The following CDC37 variants were observed in gnomAD, a reference collection of about 807,000 sequenced individuals.
CDC37 encodes cell division cycle 37, HSP90 cochaperone.
Under a neutral mutation model 46.9 loss-of-function variants are expected in CDC37, and 9 were observed. The observed-to-expected ratio is 0.19, with a 90% CI of 0.12 to 0.33. The LOEUF is 0.33. CDC37 is among the 10% of genes least tolerant of loss of function. The pLI, the probability that CDC37 is intolerant of heterozygous loss-of-function variation, is 1.00. For missense variants in CDC37, 388 were observed against 514.6 expected (o/e 0.75, Z 2.38); for synonymous variants, 193 against 191.0 (o/e 1.01, Z -0.09).
At chr19:10,395,630 A>C (rs1242347706) in intron 2 of CDC37, 87 bp from the exon 3 acceptor site, 1 of 1,080,332 alleles carries the variant, frequency 9.3e-7, no homozygotes, top group Non-Finnish European at 1.4e-6. Context: ...CGCAGCGCCC[A>C]TCCCATCCAC....
rs1286302564 is a variant in CDC37 at position 10,395,150 on chromosome 19, G to C, written c.604-7C>G. 1.2e-6 allele frequency: 2 copies of C among 1,603,918 alleles called. No homozygotes were observed. Among genetic ancestry groups the C allele is most frequent in the South Asian group, 2.2e-5 (2 of 90,542 alleles). On this transcript the variant is annotated splice_region_variant and splice_polypyrimidine_tract_variant and intron_variant, in intron 4 of 7. Coordinates refer to ENST00000222005, the MANE Select transcript of CDC37 (RefSeq NM_007065.4). ...GCTCCATGAGTGCACATTTCTGCCA[G>C]GAAGAACAGGCACAGCGTCACCAAG...
intron 1 of CDC37, 45 bp downstream of exon 1, chr19:10,403,333 A>G (rs769260693): frequency 2.8e-6 from 4 of 1,447,664 alleles, no homozygotes; most frequent in Non-Finnish European, 3.8e-6. Flanking sequence ...ACAACTCCGA[A>G]GCGGGGTCCG....
Position 10,397,965 on chromosome 19 carries a change from C to T in CDC37, c.103-1762G>A, listed in dbSNP as rs146900743. On this transcript the variant is annotated intron_variant, in intron 1 of 7. Coordinates refer to ENST00000222005, the MANE Select transcript of CDC37 (RefSeq NM_007065.4). Reference sequence around the variant, plus strand: ...TCCATCTGGGCCCCATCGGATTGTACAGGCCTCTCCTGAGACCCCTGCGTG... The same window carrying T: ...TCCATCTGGGCCCCATCGGATTGTATAGGCCTCTCCTGAGACCCCTGCGTG... Among the ~76,000 whole-genome samples, 99 of 152,290 alleles carry T rather than the reference C, an allele frequency of 6.5e-4. No homozygotes were observed. In the Middle Eastern group the frequency reaches 0.01, roughly 16 times the overall value.
intron 1 of CDC37, among the ~76,000 whole-genome samples, chr19:10,399,209 CT>C (rs1282425808): frequency 8.5e-5 from 13 of 152,272 alleles, no homozygotes; most frequent in Middle Eastern, 3.4e-3. Flanking sequence ...TGGCTCACTC[CT>C]GTAATCCCAA....
chr19:10,396,944 G>GC lies in CDC37; in HGVS notation c.103-742dup, dbSNP rs1416234819. Among the ~76,000 whole-genome samples the GC allele has an allele frequency of 6.6e-6, 1 of 152,042 alleles. No homozygotes were observed. The highest frequency in any genetic ancestry group is 2.4e-5 in the African/African-American group (1 of 41,406). ...CTACTTGGAATGCTTTTCCTTCAGA[G>GC]CCCCCCACAGCTGACTCCATGGCAC... On this transcript the variant is annotated intron_variant, in intron 1 of 7. Coordinates refer to ENST00000222005, the MANE Select transcript of CDC37 (RefSeq NM_007065.4). The surrounding 1 kb of genome is among the most constrained non-coding windows in gnomAD (Gnocchi z 5.9).
In CDC37 at chr19:10,399,931, T is replaced by TAAAAAAAAAAAAA. The variant is rs56162717; in HGVS notation, c.102+3434_102+3446dup. On this transcript the variant is annotated intron_variant, in intron 1 of 7. Transcript: ENST00000222005. ...TGGGCAACAGAGTGAGACTCCGTCT[T>TAAAAAAAAAAAAA]AAAAAAAAAAAAAAAAAAAAAAAAA... Among the ~76,000 whole-genome samples, 217 of 48,318 alleles carry TAAAAAAAAAAAAA rather than the reference T, an allele frequency of 4.5e-3. 10 individuals carry two copies. The highest frequency in any genetic ancestry group is 0.016 in the African/African-American group (195 of 11,976). The allele number at this position is 48,318 out of a possible 152,430, so 31.7% of individuals were successfully genotyped here. A position where few individuals can be genotyped will look rare whatever the true frequency, so the allele number is the denominator to read the frequency against.
At chr19:10,399,815 C>A (rs2042509099) in intron 1 of CDC37, among the ~76,000 whole-genome samples, 1 of 151,340 alleles carries the variant, frequency 6.6e-6, no homozygotes, top group Admixed American at 6.6e-5. Context: ...ACCTGTAGTC[C>A]CAGCTACTCG....
intron 2 of CDC37, 67 bp downstream of exon 2, chr19:10,395,861 G>C: frequency 1.9e-6 from 3 of 1,544,630 alleles, no homozygotes; most frequent in Non-Finnish European, 2.7e-6. Context: ...CATTGGGTGC[G>C]CATGCGTCCT....
At chr19:10,394,937 A>T in intron 5 of CDC37, 84 bp downstream of exon 5, 1 of 1,408,968 alleles carries the variant, frequency 7.1e-7, no homozygotes, top group Non-Finnish European at 9.5e-7. Flanking sequence ...GTCCCAGTGG[A>T]GAGGAGTCGG....
At chr19:10,401,920 C>T (rs1216792840) in intron 1 of CDC37, among the ~76,000 whole-genome samples, 2 of 151,938 alleles carry the variant, frequency 1.3e-5, no homozygotes, top group African/African-American at 2.4e-5. Flanking sequence ...TTTGGGAGGC[C>T]GAGGTGGGTG....
chr19:10,394,531 AATTT>A (rs954060145), intron 5 of CDC37, among the ~76,000 whole-genome samples: 2 of 151,240 alleles, frequency 1.3e-5, no homozygotes, highest in African/African-American at 2.4e-5. Flanking sequence ...TTAATTAATT[AATTT>A]ATTTATTTAT....
rs905660265 is a variant in CDC37 at position 10,396,849 on chromosome 19, C to T, written c.103-646G>A. On this transcript the variant is annotated intron_variant, in intron 1 of 7. Transcript: ENST00000222005. This position sits in a 1 kb window ranked among gnomAD's most constrained non-coding sequence, Gnocchi z 5.9. ...CCTCCCAAAGTGCTGGGACTACAGG[C>T]GGGAGCTACTGCACTCTGCGGAGCC... Among the ~76,000 whole-genome samples the T allele has an allele frequency of 4.6e-5, 7 of 152,132 alleles. No homozygotes were observed. The highest frequency in any genetic ancestry group is 3.3e-4 in the Admixed American group (5 of 15,276).
At position 10,393,284 on chromosome 19, in the gene CDC37, ACGGGGTCCAGGCCGC is replaced by A; in HGVS notation, c.869_883del (p.Gly290_Pro294del). 3.1e-6 allele frequency: 5 copies of A among 1,613,152 alleles called. No homozygotes were observed. The highest frequency in any genetic ancestry group is 4.2e-6 in the Non-Finnish European group (5 of 1,179,622). ...CTCAGGGAGGGACTCGTAGACCTCG[ACGGGGTCCAGGCCGC>A]CGGGGCCGAGCCGCTTCTTGCGCTC... On this transcript the variant is annotated inframe_deletion, in exon 6 of 8. Coordinates refer to ENST00000222005, the MANE Select transcript of CDC37 (RefSeq NM_007065.4). This position sits in a 1 kb window ranked among gnomAD's most constrained non-coding sequence, Gnocchi z 4.9.
chr19:10,395,562 G>A lies in CDC37; in HGVS notation c.379-19C>T. The A allele has an allele frequency of 1.3e-6, 2 of 1,586,096 alleles. No homozygotes were observed. Among genetic ancestry groups the A allele is most frequent in the Non-Finnish European group, 8.7e-7 (1 of 1,154,460 alleles). On this transcript the variant is annotated intron_variant, in intron 2 of 7. Coordinates refer to ENST00000222005, the MANE Select transcript of CDC37 (RefSeq NM_007065.4). The stretch of plus-strand genomic sequence containing the variant: ...CCATGCTCTGTGGTAGGGTGAGAGG[G>A]GGAGTGGGCTGGGGCAAGGCTGCGG...
intron 5 of CDC37, among the ~76,000 whole-genome samples, 198 bp downstream of exon 5, chr19:10,394,823 C>A (rs573912786): frequency 1.3e-5 from 2 of 151,326 alleles, no homozygotes; most frequent in African/African-American, 2.4e-5. Flanking sequence ...TGAGCCACTG[C>A]GCCCGGCCTC....
chr19:10,393,508 CCCTCCAGCCACAGCT>C lies in CDC37; in HGVS notation c.727-82_727-68del. ...TCAGGAGGGACTGGGGGGCCCAGGA[CCCTCCAGCCACAGCT>C]CCTCAGAGGCGCCCCACGGTTCCCC... On this transcript the variant is annotated intron_variant, in intron 5 of 7. Transcript: ENST00000222005. The surrounding 1 kb of genome is among the most constrained non-coding windows in gnomAD (Gnocchi z 4.9). 2.0e-6 allele frequency: 3 copies of C among 1,491,840 alleles called. No individual in the cohort carries two copies. The highest frequency in any genetic ancestry group is 2.7e-6 in the Non-Finnish European group (3 of 1,111,856). 92.4% of individuals were successfully genotyped at this position (1,491,840 alleles called of 1,614,324 possible).
In CDC37 at chr19:10,395,432, C is replaced by T. The variant is rs2042482564; in HGVS notation, c.487+3G>A. ...CCCCCCATAACCCACAAGCCCCACT[C>T]ACCAAAGTGCTTGATCTGTTTCTCG... On this transcript the variant is annotated splice_donor_region_variant and intron_variant, in intron 3 of 7. Transcript: ENST00000222005. 4 of 1,613,138 alleles carry T rather than the reference C, an allele frequency of 2.5e-6. No individual in the cohort carries two copies. The highest frequency in any genetic ancestry group is 3.4e-6 in the Non-Finnish European group (4 of 1,179,042).
Position 10,393,210 on chromosome 19 carries a change from G to T in CDC37, c.909+49C>A. ...GGGCTGGGTCCCTGTGGCCCTGGGG[G>T]GTCCCGCTCAGGGTCTTCCTGCTGC... On this transcript the variant is annotated intron_variant, in intron 6 of 7. Coordinates refer to ENST00000222005, the MANE Select transcript of CDC37 (RefSeq NM_007065.4). The surrounding 1 kb of genome is among the most constrained non-coding windows in gnomAD (Gnocchi z 4.9). 1 of 1,612,202 alleles carries T rather than the reference G, an allele frequency of 6.2e-7. No individual in the cohort carries two copies. The highest frequency in any genetic ancestry group is 2.2e-5 in the East Asian group (1 of 44,858).
intron 7 of CDC37, 101 bp from the exon 8 acceptor site, chr19:10,391,807 G>A: frequency 8.0e-7 from 1 of 1,243,752 alleles, no homozygotes; most frequent in Admixed American, 2.3e-5. Flanking sequence ...CCTGCCTATT[G>A]ATATTTTACC....
Sources: allele counts gnomAD v4.1 joint callset (sites outside exome capture counted in the v4.1 genomes callset), GRCh38; gene constraint gnomAD v4.1.1; non-coding constraint Gnocchi (gnomAD v3.1); transcripts MANE v1.5; gene names NCBI Gene and HGNC (gene_info 2026-07-23, HGNC 2026-07-21).